PTPN12: variants seen among roughly 807,000 people sequenced by gnomAD.
PTPN12 encodes the protein tyrosine-protein phosphatase non-receptor type 12.
PTPN12 carries 29 observed loss-of-function variants against 97.6 expected under a neutral mutation model. That is an observed-to-expected ratio of 0.30 (90% CI 0.22 to 0.41). The LOEUF (loss-of-function observed/expected upper bound fraction) is 0.41, where lower values mean the gene tolerates loss of function less well. PTPN12 is among the 10% of genes least tolerant of loss of function. The pLI, the probability that PTPN12 is intolerant of heterozygous loss-of-function variation, is 1.00. For missense variants in PTPN12, 819 were observed against 926.0 expected, an observed-to-expected ratio of 0.88 and a Z score of 1.50; for synonymous variants, 327 against 300.4, an observed-to-expected ratio of 1.09 and a Z score of -0.91.
At chr7:77,601,503 A>G (rs1318315328) in intron 8 of PTPN12, among the ~76,000 whole-genome samples, 2 of 152,184 alleles carry the variant, frequency 1.3e-5, no homozygotes, top group Non-Finnish European at 2.9e-5. Flanking sequence ...ACGCCTGGCA[A>G]CATGACTTTC....
At position 77,632,366 on chromosome 7, in the gene PTPN12, A is replaced by T; in HGVS notation, c.2015A>T (p.Asp672Val). ...GAEKDVDVSE[D>V]SPPPLPERTP... ...AATTTAGATGTTGATGTTAGTGAAG[A>T]TTCACCTCCTCCCCTACCTGAAAGA... The change falls in exon 14 of 18, where the codon GAT becomes GTT. Residue 672 changes from aspartate to valine, a missense_variant. Around this residue, in one of 5 missense-constraint regions of PTPN12, gnomAD observed 607 missense variants for 577.3 expected, o/e 1.05. Transcript: ENST00000248594. 2 of 1,608,222 alleles carry T rather than the reference A, an allele frequency of 1.2e-6. No homozygotes were observed. Among genetic ancestry groups the T allele is most frequent in the Non-Finnish European group, 1.7e-6 (2 of 1,174,746 alleles).
intron 2 of PTPN12, among the ~76,000 whole-genome samples, chr7:77,575,340 C>T (rs538019454): frequency 3.3e-5 from 5 of 152,050 alleles, no homozygotes; most frequent in Admixed American, 2.0e-4. Context: ...CACGCACGCA[C>T]GCACACACAC....
intron 13 of PTPN12, 124 bp downstream of exon 13, chr7:77,627,799 C>T (rs973432749): frequency 1.0e-6 from 1 of 957,010 alleles, no homozygotes; most frequent in Non-Finnish European, 1.4e-6. Flanking sequence ...ACAGCAAAAT[C>T]TGTCTTAGAT....
intron 17 of PTPN12, 154 bp downstream of exon 17, chr7:77,638,885 C>G: frequency 8.1e-7 from 1 of 1,240,114 alleles, no homozygotes; most frequent in Non-Finnish European, 1.1e-6. Context: ...ATACTTAATT[C>G]TATTTCACAT....
At chr7:77,564,991 C>T (rs1000981971) in intron 1 of PTPN12, among the ~76,000 whole-genome samples, 3 of 151,784 alleles carry the variant, frequency 2.0e-5, no homozygotes, top group Non-Finnish European at 2.9e-5. Flanking sequence ...CTCCTGACTT[C>T]GTGATCTACC....
chr7:77,555,836 A>C (rs919577068), intron 1 of PTPN12, among the ~76,000 whole-genome samples: 4 of 151,812 alleles, frequency 2.6e-5, no homozygotes, highest in Non-Finnish European at 5.9e-5. Context: ...AATGTCGTGA[A>C]CCCAGGAGGC....
intron 1 of PTPN12, among the ~76,000 whole-genome samples, chr7:77,556,651 C>T (rs1807725719): frequency 6.6e-6 from 1 of 151,910 alleles, no homozygotes; most frequent in Non-Finnish European, 1.5e-5. Flanking sequence ...AGATAGAGAC[C>T]ATCCTGGCCA....
chr7:77,571,580 A>G (rs1469578947), intron 2 of PTPN12, among the ~76,000 whole-genome samples: 1 of 152,236 alleles, frequency 6.6e-6, no homozygotes, highest in Non-Finnish European at 1.5e-5. Flanking sequence ...TTAATTATGC[A>G]TGAGAAAATG....
At chr7:77,631,496 C>T (rs1318813131) in intron 13 of PTPN12, among the ~76,000 whole-genome samples, 2 of 152,154 alleles carry the variant, frequency 1.3e-5, no homozygotes, top group African/African-American at 2.4e-5. Context: ...TTCTTTATCC[C>T]ACCCTCCCCA....
intron 5 of PTPN12, 32 bp from the exon 6 acceptor site, chr7:77,592,153 A>G: frequency 6.5e-7 from 1 of 1,548,094 alleles, no homozygotes; most frequent in Non-Finnish European, 8.8e-7. Flanking sequence ...ACTTACATGA[A>G]TTACTTACTA....
At chr7:77,606,053 C>T (rs1788364353) in intron 8 of PTPN12, among the ~76,000 whole-genome samples, 1 of 138,726 alleles carries the variant, frequency 7.2e-6, no homozygotes, top group African/African-American at 2.7e-5. Flanking sequence ...TTCCCCGGTT[C>T]AAGTGATTCT....
At chr7:77,558,210 C>CAA (rs61149538) in intron 1 of PTPN12, among the ~76,000 whole-genome samples, 15 of 93,566 alleles carry the variant, frequency 1.6e-4, no homozygotes, top group Admixed American at 4.8e-4. Context: ...GACTCCATCT[C>CAA]AAAAAAAAAA....
At position 77,626,932 on chromosome 7, in the gene PTPN12, A is replaced by T; in HGVS notation, c.1253A>T (p.Lys418Ile). 6.2e-7 allele frequency: 1 copy of T among 1,609,244 alleles called. No homozygotes were observed. Among genetic ancestry groups the T allele is most frequent in the Non-Finnish European group, 8.5e-7 (1 of 1,178,494 alleles). The change falls in exon 13 of 18, where the codon AAA becomes ATA. Residue 418 changes from lysine (K) to isoleucine (I), a missense_variant. By Grantham distance (102) the Lys-to-Ile change is moderately radical (BLOSUM62 -3). Around this residue, in one of 5 missense-constraint regions of PTPN12, gnomAD observed 607 missense variants for 577.3 expected, o/e 1.05. Coordinates refer to ENST00000248594, the MANE Select transcript of PTPN12 (RefSeq NM_002835.4). Reference sequence around the variant, plus strand: ...AGTAAATCAACAGAACTTCCAGGGAAAAATGAATCAACAATTGAACAGATA... The same window carrying T: ...AGTAAATCAACAGAACTTCCAGGGATAAATGAATCAACAATTGAACAGATA... ...NYSKSTELPG[K>I]NESTIEQIDK... is the part of the protein sequence containing the mutation.
At chr7:77,551,795 T>C (rs186034712) in intron 1 of PTPN12, among the ~76,000 whole-genome samples, 7 of 152,358 alleles carry the variant, frequency 4.6e-5, no homozygotes, top group African/African-American at 1.7e-4. Flanking sequence ...TGATATCTTA[T>C]ACTTCTTAGT....
intron 1 of PTPN12, among the ~76,000 whole-genome samples, chr7:77,559,403 T>A (rs117228665): frequency 6.6e-6 from 1 of 152,338 alleles, no homozygotes; most frequent in East Asian, 1.9e-4. Context: ...GTTTTTTACA[T>A]GTGTGTATTA....
At chr7:77,581,597 A>G (rs1787518086) in intron 3 of PTPN12, 94 bp downstream of exon 3, 9 of 594,400 alleles carry the variant, frequency 1.5e-5, no homozygotes, top group Non-Finnish European at 2.5e-5. Flanking sequence ...CAAACATGAT[A>G]CCAACAGCAA....
intron 14 of PTPN12, 132 bp downstream of exon 14, chr7:77,632,557 G>T: frequency 8.9e-6 from 6 of 675,884 alleles, no homozygotes; most frequent in South Asian, 3.9e-5. Context: ...ATGTTGACAT[G>T]CTTTTAATTC....
chr7:77,581,472 A>G lies in PTPN12; in HGVS notation c.254A>G (p.Asp85Gly). ...TTGACATTAAAGACTCCTTCACAAGATTCAGACTATATCAATGCAAATTTT... is the reference window on the plus strand; with the variant it reads ...TTGACATTAAAGACTCCTTCACAAGGTTCAGACTATATCAATGCAAATTTT... ...VKLTLKTPSQDSDYINANFIK... is the reference protein window; with the variant it reads ...VKLTLKTPSQGSDYINANFIK... Residue 85 changes from aspartate to glycine, a missense_variant, in exon 3 of 18, where the codon GAT (aspartate) becomes GGT (glycine). This residue lies in a region of PTPN12 where 66 missense variants were observed against 133.6 expected (regional missense o/e 0.49). Transcript: ENST00000248594. 1 of 1,607,220 alleles carries G rather than the reference A, an allele frequency of 6.2e-7. No individual in the cohort carries two copies. Among genetic ancestry groups the G allele is most frequent in the Non-Finnish European group, 8.5e-7 (1 of 1,175,632 alleles).
chr7:77,542,034 T>C (rs1807001765), intron 1 of PTPN12, among the ~76,000 whole-genome samples: 1 of 152,166 alleles, frequency 6.6e-6, no homozygotes, highest in Non-Finnish European at 1.5e-5. Flanking sequence ...AGACTCCCTC[T>C]GATGGCTGGG....
Sources: allele counts gnomAD v4.1 joint callset (sites outside exome capture counted in the v4.1 genomes callset), GRCh38; gene constraint gnomAD v4.1.1; regional missense constraint gnomAD v4.1.1; transcripts MANE v1.5; gene names NCBI Gene and HGNC (gene_info 2026-07-23, HGNC 2026-07-21).